The following CCDC63 variants were observed in gnomAD, a reference collection of about 807,000 sequenced individuals.
The protein encoded by CCDC63 is coiled-coil domain containing 63, also known as coiled-coil domain-containing protein 63.
A neutral mutation model predicts 63.6 loss-of-function variants in CCDC63; 54 were observed. The observed-to-expected ratio is 0.85, with a 90% CI of 0.68 to 1.07. The LOEUF (loss-of-function observed/expected upper bound fraction) is 1.07. Among genes scored for constraint, CCDC63 ranks in the 50% least tolerant of loss-of-function variants. The probability of loss-of-function intolerance (pLI) is 0.00; values close to 1 mark genes in which losing one functional copy is unlikely to be tolerated. For synonymous variants in CCDC63, 253 were observed against 266.1 expected, an observed-to-expected ratio of 0.95 and a Z score of 0.48; for missense variants, 637 against 689.6, an observed-to-expected ratio of 0.92 and a Z score of 0.86.
In CCDC63 at chr12:110,907,392, G is replaced by A; in HGVS notation, c.1608G>A (p.Lys536=). 1 of 1,614,148 alleles carries A rather than the reference G, an allele frequency of 6.2e-7. No homozygotes were observed. Residue 536 remains lysine (K), a synonymous_variant, in exon 12 of 12, where the codon AAG becomes AAA. Coordinates refer to ENST00000308208, the MANE Select transcript of CCDC63 (RefSeq NM_152591.3). The surrounding 1 kb of genome is among the most constrained non-coding windows in gnomAD (Gnocchi z 4.4). ...TGGTTCTCGACAATTATATCCTGAA[G>A]GAGAATCGGAGTAAGGAAGTGCGCG... ...RQLVLDNYIL[K]ENRSKEVRGD...
At chr12:110,881,494 C>A (rs2071209085) in intron 7 of CCDC63, among the ~76,000 whole-genome samples, 198 bp downstream of exon 7, 1 of 152,086 alleles carries the variant, frequency 6.6e-6, no homozygotes, top group African/African-American at 2.4e-5. Flanking sequence ...CCAAGGCAGG[C>A]TGATCATTTG....
rs145824603 is a variant in CCDC63, at chr12:110,858,660, A to G, written c.254A>G (p.Asn85Ser). The change falls in exon 4 of 12, where the codon AAC (asparagine) becomes AGC (serine). Residue 85 changes from asparagine (N) to serine (S), a missense_variant. Transcript: ENST00000308208. The stretch of plus-strand genomic sequence containing the variant: ...TTGAGTCTCATGAAATCCTCGAGGA[A>G]CATGAATCGGAGTGAGAAGAACTAC... Reference protein sequence around the residue: ...LLLSLMKSSRNMNRSEKNYME... With the variant: ...LLLSLMKSSRSMNRSEKNYME... 21 of 1,613,968 alleles carry G rather than the reference A, an allele frequency of 1.3e-5. 1 individual carries two copies. The African/African-American group carries it at 2.7e-4, about 21-fold the overall frequency.
chr12:110,880,854 ATGG>A (rs1232924719), intron 6 of CCDC63, among the ~76,000 whole-genome samples: 2 of 103,296 alleles, frequency 1.9e-5, no homozygotes, highest in Non-Finnish European at 4.2e-5. Context: ...GATAGTGGTA[ATGG>A]TGGTGGTGGT....
chr12:110,895,975 A>G (rs2136732527), intron 9 of CCDC63, among the ~76,000 whole-genome samples: 1 of 152,248 alleles, frequency 6.6e-6, no homozygotes, highest in South Asian at 2.1e-4. Context: ...TCATCTGAAA[A>G]CTAGGCCGAT....
At chr12:110,857,235 T>C (rs2070785105) in intron 3 of CCDC63, among the ~76,000 whole-genome samples, 1 of 151,966 alleles carries the variant, frequency 6.6e-6, no homozygotes, top group Non-Finnish European at 1.5e-5. Context: ...CAAGCAATTC[T>C]CTGCCTCAGC....
At chr12:110,847,682 T>C (rs2070657315) in intron 1 of CCDC63, among the ~76,000 whole-genome samples, 2 of 152,094 alleles carry the variant, frequency 1.3e-5, no homozygotes, top group Admixed American at 6.5e-5. Flanking sequence ...AAAAACTGTG[T>C]ATGTGTTTCT....
chr12:110,900,226 AAATAAT>A (rs1004749940), intron 10 of CCDC63, among the ~76,000 whole-genome samples: 25 of 152,072 alleles, frequency 1.6e-4, no homozygotes, highest in Non-Finnish European at 3.2e-4. Context: ...CAAACCAAAA[AAATAAT>A]AATAATAACA....
At chr12:110,893,227 T>C in intron 9 of CCDC63, 77 bp downstream of exon 9, 1 of 1,239,390 alleles carries the variant, frequency 8.1e-7, no homozygotes. Context: ...CTTCTGTCTG[T>C]CTGTCCGTCG....
intron 8 of CCDC63, among the ~76,000 whole-genome samples, chr12:110,886,424 A>G (rs999255286): frequency 1.3e-5 from 2 of 152,100 alleles, no homozygotes; most frequent in African/African-American, 4.8e-5. Context: ...AAAAACCACC[A>G]AAACCCAAAA....
intron 4 of CCDC63, among the ~76,000 whole-genome samples, chr12:110,867,214 G>C (rs1230813913): frequency 1.9e-4 from 25 of 128,804 alleles, no homozygotes; most frequent in South Asian, 7.6e-4. Context: ...GCGGCTGGCC[G>C]GGCGGGGGGC....
intron 3 of CCDC63, among the ~76,000 whole-genome samples, chr12:110,857,524 T>C (rs968136972): frequency 1.3e-5 from 2 of 152,202 alleles, no homozygotes; most frequent in Non-Finnish European, 2.9e-5. Context: ...CCAATTGGTC[T>C]CAGGTTGGGC....
chr12:110,844,578 G>A (rs1043609372), upstream of CCDC63, among the ~76,000 whole-genome samples: 1 of 152,158 alleles, frequency 6.6e-6, no homozygotes, highest in Non-Finnish European at 1.5e-5. Context: ...TCAGTTGCAC[G>A]CCTATTCCTG....
At chr12:110,884,442 C>G (rs891884094) in intron 8 of CCDC63, among the ~76,000 whole-genome samples, 192 bp downstream of exon 8, 8 of 151,482 alleles carry the variant, frequency 5.3e-5, no homozygotes, top group Admixed American at 5.3e-4. Context: ...AGTAGTAGTG[C>G]GATATTGGCT....
chr12:110,887,830 T>G (rs1281536010), intron 8 of CCDC63, among the ~76,000 whole-genome samples: 1 of 151,896 alleles, frequency 6.6e-6, no homozygotes, highest in Non-Finnish European at 1.5e-5. Context: ...TCTCTTGACC[T>G]CGTGATCCGC....
chr12:110,902,234 G>A (rs1203019042), intron 10 of CCDC63, among the ~76,000 whole-genome samples: 1 of 152,104 alleles, frequency 6.6e-6, no homozygotes, highest in Non-Finnish European at 1.5e-5. Flanking sequence ...AGCCTGACCT[G>A]GTCAGCAAGG....
At chr12:110,901,428 A>C (rs1391294482) in intron 10 of CCDC63, among the ~76,000 whole-genome samples, 2 of 151,770 alleles carry the variant, frequency 1.3e-5, no homozygotes, top group Non-Finnish European at 2.9e-5. Context: ...GGGTCTCGCC[A>C]TGTTGCCCAG....
At chr12:110,880,176 G>A (rs1410492962) in intron 6 of CCDC63, 89 bp downstream of exon 6, 1 of 1,111,976 alleles carries the variant, frequency 9.0e-7, no homozygotes, top group African/African-American at 1.6e-5. Flanking sequence ...ACTGTCCCTG[G>A]TCGTTATGTG....
rs531603461 is a variant in CCDC63, at chr12:110,879,361, G to A, written c.490-545G>A. Reference sequence around the variant, plus strand: ...AGACACTGTTGGTTGTCATAACAGAGTTGGAGGTGAGGGTGCTACCTGCAT... The same window carrying A: ...AGACACTGTTGGTTGTCATAACAGAATTGGAGGTGAGGGTGCTACCTGCAT... On this transcript the variant is annotated intron_variant, in intron 5 of 11. Coordinates refer to ENST00000308208, the MANE Select transcript of CCDC63 (RefSeq NM_152591.3). Among the ~76,000 whole-genome samples the A allele has an allele frequency of 7.2e-5, 11 of 152,320 alleles. No homozygotes were observed. In the East Asian group the frequency reaches 2.1e-3, roughly 29 times the overall value.
intron 3 of CCDC63, among the ~76,000 whole-genome samples, chr12:110,858,194 G>A (rs1286317972): frequency 6.6e-6 from 1 of 150,858 alleles, no homozygotes; most frequent in African/African-American, 2.5e-5. Context: ...CCTGCCTGAT[G>A]GTTTGCTCCT....
Sources: allele counts gnomAD v4.1 joint callset (sites outside exome capture counted in the v4.1 genomes callset), GRCh38; gene constraint gnomAD v4.1.1; non-coding constraint Gnocchi (gnomAD v3.1); transcripts MANE v1.5; gene names NCBI Gene and HGNC (gene_info 2026-07-23, HGNC 2026-07-21).